GLIS3: variants seen among roughly 807,000 people sequenced by gnomAD.
The protein encoded by GLIS3 is GLIS family zinc finger 3.
GLIS3 carries 53 observed loss-of-function variants against 78.6 expected under a neutral mutation model. The ratio of observed to expected loss-of-function variants is 0.67; its 90% CI spans 0.54 to 0.85. GLIS3 has a LOEUF of 0.85. Among genes scored for constraint, GLIS3 ranks in the 40% least tolerant of loss-of-function variants. The probability of loss-of-function intolerance (pLI) is 0.00; values close to 1 mark genes in which losing one functional copy is unlikely to be tolerated. For synonymous variants in GLIS3, 684 were observed against 509.9 expected, an observed-to-expected ratio of 1.34 and a Z score of -4.60; for missense variants, 1,703 against 1,231.1, an observed-to-expected ratio of 1.38 and a Z score of -5.74.
chr9:4,216,239 G>A (rs377277107), intron 2 of GLIS3, among the ~76,000 whole-genome samples: 2 of 152,162 alleles, frequency 1.3e-5, no homozygotes, highest in African/African-American at 2.4e-5. Context: ...TTGGGAGGCC[G>A]AGGTGGGCAG....
rs1326175282 is a variant in GLIS3 at position 3,908,482 on chromosome 9, C to G, written c.1984-9647G>C. ...GGAACTATTTTAGGGCTTAATTTCC[C>G]AACCTATCCAGTTGCAAGTAAACAA... On this transcript the variant is annotated intron_variant, in intron 6 of 10. Coordinates refer to ENST00000381971, the MANE Select transcript of GLIS3 (RefSeq NM_001042413.2). Among the ~76,000 whole-genome samples, 10 of 152,152 alleles carry G rather than the reference C, an allele frequency of 6.6e-5. 1 individual carries two copies.
chr9:4,140,986 G>C (rs1380411097), intron 2 of GLIS3, among the ~76,000 whole-genome samples: 2 of 152,132 alleles, frequency 1.3e-5, no homozygotes, highest in African/African-American at 4.8e-5. Flanking sequence ...TTTTAGTAGA[G>C]ACGGGGTTTC....
chr9:4,200,598 T>C (rs961606836), intron 2 of GLIS3, among the ~76,000 whole-genome samples: 18 of 151,880 alleles, frequency 1.2e-4, no homozygotes, highest in Admixed American at 1.0e-3. Flanking sequence ...TCTGCCAAAA[T>C]TGAAACAGGA....
intron 2 of GLIS3, among the ~76,000 whole-genome samples, chr9:4,136,347 A>G (rs1564102166): frequency 6.6e-6 from 1 of 152,212 alleles, no homozygotes; most frequent in East Asian, 1.9e-4. Context: ...TGAACTACAA[A>G]CACGTTTCCC....
intron 4 of GLIS3, among the ~76,000 whole-genome samples, chr9:4,045,009 A>G (rs989367832): frequency 2.0e-5 from 3 of 152,196 alleles, no homozygotes; most frequent in African/African-American, 7.2e-5. Flanking sequence ...GGCATAAAAA[A>G]CAAGGCAGAG....
the GLIS3 span, among the ~76,000 whole-genome samples, chr9:4,422,347 G>C: frequency 6.6e-6 from 1 of 152,212 alleles, no homozygotes; most frequent in Non-Finnish European, 1.5e-5. Context: ...TAGTAAGACA[G>C]ACAGGCCTTA....
chr9:4,384,271 C>T, the GLIS3 span, among the ~76,000 whole-genome samples: 1 of 152,048 alleles, frequency 6.6e-6, no homozygotes, highest in South Asian at 2.1e-4. Context: ...AACAGCAGTG[C>T]TGCCAGAGGT....
intron 4 of GLIS3, among the ~76,000 whole-genome samples, chr9:4,084,251 T>TAACACA (rs1459557970): frequency 9.1e-6 from 1 of 109,646 alleles, no homozygotes; most frequent in South Asian, 3.0e-4. Flanking sequence ...TTCCTTCCTC[T>TAACACA]CTCTAACACA....
At chr9:4,191,052 A>G (rs902853779) in intron 2 of GLIS3, among the ~76,000 whole-genome samples, 1 of 151,990 alleles carries the variant, frequency 6.6e-6, no homozygotes, top group Non-Finnish European at 1.5e-5. Flanking sequence ...ATGGAAAGGA[A>G]CAACTGGTAC....
intron 10 of GLIS3, among the ~76,000 whole-genome samples, chr9:3,828,858 G>C (rs1002184052): frequency 2.6e-5 from 4 of 152,184 alleles, no homozygotes; most frequent in African/African-American, 9.7e-5. Flanking sequence ...AAATATGTGT[G>C]GGCAGGTGTG....
intron 2 of GLIS3, among the ~76,000 whole-genome samples, chr9:4,210,057 G>A (rs1011375216): frequency 6.6e-6 from 1 of 152,184 alleles, no homozygotes; most frequent in Admixed American, 6.5e-5. Flanking sequence ...GGTGTCCCCA[G>A]TGCTGGTATA....
chr9:4,455,635 C>T, the GLIS3 span, among the ~76,000 whole-genome samples: 531 of 152,146 alleles, frequency 3.5e-3, 2 homozygotes, highest in African/African-American at 0.012. Context: ...TTTTCAAAAA[C>T]ACTCTATTTT....
intron 4 of GLIS3, among the ~76,000 whole-genome samples, chr9:4,015,462 C>T (rs1459816940): frequency 2.0e-5 from 3 of 152,160 alleles, no homozygotes; most frequent in East Asian, 3.8e-4. Flanking sequence ...ACTATGTCTA[C>T]CCTAGAAATA....
At chr9:3,914,348 G>A (rs78909663) in intron 6 of GLIS3, among the ~76,000 whole-genome samples, 2 of 79,498 alleles carry the variant, frequency 2.5e-5, no homozygotes, top group Non-Finnish European at 5.3e-5. Flanking sequence ...TTTTTTTTTT[G>A]CAGAGGCAAG....
chr9:4,159,444 C>A (rs1489766646), intron 2 of GLIS3, among the ~76,000 whole-genome samples: 1 of 152,142 alleles, frequency 6.6e-6, no homozygotes, highest in Non-Finnish European at 1.5e-5. Context: ...TGTGGCCAGG[C>A]GCAGTGGCTC....
At chr9:4,259,231 C>T (rs13286075) in intron 2 of GLIS3, among the ~76,000 whole-genome samples, 21,654 of 144,172 alleles carry the variant, frequency 0.15, 1,687 homozygotes, top group Non-Finnish European at 0.16. Flanking sequence ...TCAGGGTCTC[C>T]AGTTGCTCAT....
intron 4 of GLIS3, among the ~76,000 whole-genome samples, chr9:3,952,082 C>G (rs1461389102): frequency 7.3e-6 from 1 of 136,926 alleles, no homozygotes; most frequent in African/African-American, 3.3e-5. Context: ...TGACAATTCA[C>G]AAGGCAGATC....
intron 2 of GLIS3, among the ~76,000 whole-genome samples, chr9:4,279,322 TATACACAC>T (rs1427262761): frequency 1.4e-3 from 73 of 51,968 alleles, no homozygotes; most frequent in South Asian, 9.6e-3. Context: ...AAAATATATA[TATACACAC>T]ACACACACAC....
intron 8 of GLIS3, among the ~76,000 whole-genome samples, chr9:3,874,412 G>A (rs1292759547): frequency 6.6e-6 from 1 of 152,158 alleles, no homozygotes; most frequent in African/African-American, 2.4e-5. Context: ...CTTTTCATTG[G>A]TATCCTTTAT....
Sources: gnomAD v4.1 joint callset for allele counts (sites outside exome capture counted in the v4.1 genomes callset) on GRCh38, gnomAD v4.1.1 for gene constraint, MANE v1.5 for transcripts, NCBI Gene and HGNC (gene_info 2026-07-23, HGNC 2026-07-21) for gene names.